Variants in BCAS3 observed in about 807,000 individuals in gnomAD.
BCAS3 encodes BCAS3 microtubule associated cell migration factor.
Under a neutral mutation model 116.1 loss-of-function variants are expected in BCAS3, and 53 were observed. That is an observed-to-expected ratio of 0.46 (90% CI 0.37 to 0.57). The LOEUF (loss-of-function observed/expected upper bound fraction) is 0.57. BCAS3 is among the 20% of genes least tolerant of loss of function. The probability of loss-of-function intolerance (pLI) is 0.00; values close to 1 mark genes in which losing one functional copy is unlikely to be tolerated. For synonymous variants in BCAS3, 391 were observed against 408.2 expected, an observed-to-expected ratio of 0.96 and a Z score of 0.51; for missense variants, 917 against 1,165.4, an observed-to-expected ratio of 0.79 and a Z score of 3.10.
intron 14 of BCAS3, among the ~76,000 whole-genome samples, chr17:60,954,872 T>C (rs1000770257): frequency 2.0e-5 from 3 of 152,218 alleles, no homozygotes; most frequent in African/African-American, 7.2e-5. Context: ...TTTAATGAAA[T>C]TGATTTTTCT....
At chr17:60,820,344 C>T (rs935139624) in intron 7 of BCAS3, among the ~76,000 whole-genome samples, 3 of 152,134 alleles carry the variant, frequency 2.0e-5, no homozygotes, top group South Asian at 4.1e-4. Context: ...CGTGCCCAGC[C>T]GACGGTGGGG....
At chr17:60,799,484 TAG>T (rs2047506736) in intron 6 of BCAS3, among the ~76,000 whole-genome samples, 2 of 150,654 alleles carry the variant, frequency 1.3e-5, no homozygotes, top group Non-Finnish European at 2.9e-5. Context: ...TGTTACATAG[TAG>T]AATTATACAA....
At chr17:60,708,043 G>T (rs999138501) in intron 4 of BCAS3, among the ~76,000 whole-genome samples, 8 of 152,050 alleles carry the variant, frequency 5.3e-5, no homozygotes, top group African/African-American at 1.9e-4. Context: ...AGTGTGTAAG[G>T]CCGGAAGTGA....
intron 14 of BCAS3, among the ~76,000 whole-genome samples, chr17:60,982,540 C>T (rs2062877519): frequency 6.6e-6 from 1 of 152,112 alleles, no homozygotes; most frequent in African/African-American, 2.4e-5. Context: ...GTTCTTAACT[C>T]ATGTCTTGTA....
At chr17:61,183,453 A>G (rs1344745061) in intron 22 of BCAS3, among the ~76,000 whole-genome samples, 1 of 152,098 alleles carries the variant, frequency 6.6e-6, no homozygotes, top group Non-Finnish European at 1.5e-5. Context: ...TTTAATTCAT[A>G]TGATGTCTCA....
intron 14 of BCAS3, among the ~76,000 whole-genome samples, chr17:60,982,880 A>G (rs79300499): frequency 0.029 from 4,341 of 152,088 alleles, 211 homozygotes; most frequent in African/African-American, 0.097. Context: ...TCTAAAAAAA[A>G]CCTCCACTTC....
At chr17:60,951,764 CTTTTTTTTT>C (rs769133578) in intron 14 of BCAS3, among the ~76,000 whole-genome samples, 5 of 109,552 alleles carry the variant, frequency 4.6e-5, no homozygotes, top group Non-Finnish European at 7.2e-5. Flanking sequence ...TCTTTTCTTT[CTTTTTTTTT>C]TTTTTTTTTT....
chr17:60,727,724 C>G (rs968370075), intron 5 of BCAS3, among the ~76,000 whole-genome samples: 2 of 152,030 alleles, frequency 1.3e-5, no homozygotes, highest in African/African-American at 4.8e-5. Flanking sequence ...AAAATTGTTA[C>G]AATCCATGAA....
intron 22 of BCAS3, among the ~76,000 whole-genome samples, chr17:61,177,118 A>G (rs1162562608): frequency 6.6e-6 from 1 of 152,254 alleles, no homozygotes; most frequent in Non-Finnish European, 1.5e-5. Context: ...AGAAAATTGT[A>G]CAAATGTTTT....
intron 7 of BCAS3, among the ~76,000 whole-genome samples, chr17:60,812,941 C>T (rs963611562): frequency 3.3e-4 from 50 of 152,038 alleles, no homozygotes; most frequent in Admixed American, 2.6e-4. Context: ...TAAGTTCCCA[C>T]GATGTTACCC....
At chr17:60,984,728 A>G (rs1385183121) in intron 14 of BCAS3, among the ~76,000 whole-genome samples, 1 of 151,984 alleles carries the variant, frequency 6.6e-6, no homozygotes, top group Non-Finnish European at 1.5e-5. Context: ...GTTTTGTTTT[A>G]TCCAGGCACA....
chr17:60,758,093 A>G lies in BCAS3; in HGVS notation c.403+10814A>G, dbSNP rs554074268. On this transcript the variant is annotated intron_variant, in intron 6 of 23. Coordinates refer to ENST00000407086, the MANE Select transcript of BCAS3 (RefSeq NM_017679.5). The stretch of plus-strand genomic sequence containing the variant: ...TACATGGATTTATTTCTAGACTCCT[A>G]TTCTGTTCCATTGGTCTATGTGTCT... 7.9e-5 allele frequency among the ~76,000 whole-genome samples: 12 copies of G among 152,260 alleles called. No individual in the cohort carries two copies. In the South Asian group the frequency reaches 2.5e-3, roughly 32 times the overall value.
At chr17:61,320,328 G>A (rs1409593438) in intron 22 of BCAS3, among the ~76,000 whole-genome samples, 3 of 152,016 alleles carry the variant, frequency 2.0e-5, no homozygotes, top group Non-Finnish European at 4.4e-5. Context: ...TGAACCAAAA[G>A]ACCTGGGTTC....
In BCAS3 at chr17:60,956,087, C is replaced by A. The variant is rs147438982; in HGVS notation, c.1221+8735C>A. Among the ~76,000 whole-genome samples, 5 of 152,146 alleles carry A rather than the reference C, an allele frequency of 3.3e-5. No individual in the cohort carries two copies. Among genetic ancestry groups the A allele is most frequent in the African/African-American group, 1.2e-4 (5 of 41,436 alleles). On this transcript the variant is annotated intron_variant, in intron 14 of 23. Coordinates refer to ENST00000407086, the MANE Select transcript of BCAS3 (RefSeq NM_017679.5). This position sits in a 1 kb window ranked among gnomAD's most constrained non-coding sequence, Gnocchi z 4.2. ...AATATGCCATTCTGCATTGAACTTT[C>A]AATTCATTCCTTTATTTACCTATCA...
intron 14 of BCAS3, among the ~76,000 whole-genome samples, chr17:60,966,399 GC>G (rs1316994585): frequency 1.3e-5 from 2 of 152,056 alleles, no homozygotes; most frequent in Non-Finnish European, 2.9e-5. Context: ...CTTTCTTAGT[GC>G]CTTCCTTTGT....
chr17:61,062,170 GAATTTT>G, intron 19 of BCAS3, among the ~76,000 whole-genome samples: 1 of 152,000 alleles, frequency 6.6e-6, no homozygotes, highest in Admixed American at 6.6e-5. Flanking sequence ...AATTAAATAT[GAATTTT>G]TATATCATGT....
chr17:61,174,943 C>T (rs1232799481), intron 22 of BCAS3, among the ~76,000 whole-genome samples: 5 of 152,100 alleles, frequency 3.3e-5, no homozygotes, highest in African/African-American at 9.7e-5. Flanking sequence ...AATCACAGTT[C>T]GATATGTACT....
At chr17:60,817,536 A>T (rs2049539391) in intron 7 of BCAS3, among the ~76,000 whole-genome samples, 1 of 152,232 alleles carries the variant, frequency 6.6e-6, no homozygotes, top group Admixed American at 6.5e-5. Flanking sequence ...GACTATTGGA[A>T]GTGGAAAGAA....
chr17:61,210,740 A>G (rs2081409207), intron 22 of BCAS3, among the ~76,000 whole-genome samples: 1 of 152,170 alleles, frequency 6.6e-6, no homozygotes, highest in Non-Finnish European at 1.5e-5. Flanking sequence ...ACATACATGA[A>G]TGAGGGGAGA....
Sources: allele counts gnomAD v4.1 joint callset (sites outside exome capture counted in the v4.1 genomes callset), GRCh38; gene constraint gnomAD v4.1.1; non-coding constraint Gnocchi (gnomAD v3.1); transcripts MANE v1.5; gene names NCBI Gene and HGNC (gene_info 2026-07-23, HGNC 2026-07-21).